The following SLC16A12 variants were observed in gnomAD, a reference collection of about 807,000 sequenced individuals.
The protein encoded by SLC16A12 is monocarboxylate transporter 12.
In SLC16A12, 17 loss-of-function variants were observed where a neutral mutation model predicts 42.4. The observed-to-expected ratio is 0.40, with a 90% CI of 0.27 to 0.60. The LOEUF is 0.60. Among genes scored for constraint, SLC16A12 ranks in the 20% least tolerant of loss-of-function variants. The probability of loss-of-function intolerance (pLI) is 0.42; values close to 1 mark genes in which losing one functional copy is unlikely to be tolerated. For synonymous variants in SLC16A12, 224 were observed against 229.4 expected (o/e 0.98, Z 0.21); for missense variants, 544 against 623.0 (o/e 0.87, Z 1.35).
chr10:89,531,529 C>T (rs1206209923), intron 2 of SLC16A12, among the ~76,000 whole-genome samples: 1 of 152,150 alleles, frequency 6.6e-6, no homozygotes, highest in Non-Finnish European at 1.5e-5. Context: ...TAGCTATTTC[C>T]CACAGCGGTC....
intron 2 of SLC16A12, among the ~76,000 whole-genome samples, chr10:89,516,904 C>T (rs1041632103): frequency 6.6e-6 from 1 of 152,140 alleles, no homozygotes; most frequent in Non-Finnish European, 1.5e-5. Context: ...GTTTAAAAGC[C>T]ATGTTTACTT....
At chr10:89,500,724 TGAGAACTG>T (rs1436709593) in intron 2 of SLC16A12, among the ~76,000 whole-genome samples, 1 of 152,202 alleles carries the variant, frequency 6.6e-6, no homozygotes, top group Admixed American at 6.5e-5. Flanking sequence ...GCATTCCTGC[TGAGAACTG>T]GAACAAGGAT....
chr10:89,506,188 G>A (rs1051601857), intron 2 of SLC16A12, among the ~76,000 whole-genome samples: 1 of 152,206 alleles, frequency 6.6e-6, no homozygotes, highest in African/African-American at 2.4e-5. Flanking sequence ...GCTCTGAAGA[G>A]AGCAGTAGTT....
chr10:89,462,858 T>A, intron 2 of SLC16A12: 1 of 384,444 alleles, frequency 2.6e-6, no homozygotes, highest in East Asian at 5.4e-5. Flanking sequence ...TGATACCATT[T>A]TTCCCTAGCC....
chr10:89,457,825 C>G (rs571627952), intron 3 of SLC16A12, among the ~76,000 whole-genome samples: 3 of 152,250 alleles, frequency 2.0e-5, no homozygotes, highest in Non-Finnish European at 4.4e-5. Flanking sequence ...AATATTCAGA[C>G]TGTAATGCTA....
rs1385139761 is a variant in SLC16A12, at chr10:89,438,678, A to T, written c.954T>A (p.Ala318=). 13 of 1,614,080 alleles carry T rather than the reference A, an allele frequency of 8.1e-6. No individual in the cohort carries two copies. Among genetic ancestry groups the T allele is most frequent in the Non-Finnish European group, 1.1e-5 (13 of 1,179,984 alleles). ...ALSVGVSHQQ[A]AFLMSILGVI... is the part of the protein sequence containing the mutation. Reference sequence around the variant, plus strand: ...CTCCAAGTATGGACATAAGAAAAGCAGCTTGCTGATGACTCACTCCAACAC... The same window carrying T: ...CTCCAAGTATGGACATAAGAAAAGCTGCTTGCTGATGACTCACTCCAACAC... Residue 318 remains alanine (A), a synonymous_variant, in exon 6 of 8, where the codon GCT becomes GCA. Coordinates refer to ENST00000371790, the MANE Select transcript of SLC16A12 (RefSeq NM_213606.4).
Position 89,512,328 on chromosome 10 carries a change from C to T in SLC16A12, c.-47+22173G>A, listed in dbSNP as rs139209417. 5.1e-4 allele frequency among the ~76,000 whole-genome samples: 77 copies of T among 152,318 alleles called. 1 individual carries two copies. The highest frequency in any genetic ancestry group is 1.8e-3 in the African/African-American group (74 of 41,570). On this transcript the variant is annotated intron_variant, in intron 2 of 7. Transcript: ENST00000371790. ...CCCATCATAAGGAATTTTAAGAAAA[C>T]TTCAAATCTTGTAGGTGATGTTTCT...
At chr10:89,550,881 T>C (rs896308330) in intron 2 of SLC16A12, among the ~76,000 whole-genome samples, 1 of 152,206 alleles carries the variant, frequency 6.6e-6, no homozygotes, top group Non-Finnish European at 1.5e-5. Flanking sequence ...GCTGTTTGCA[T>C]TGATTTTGTG....
At chr10:89,550,108 A>T (rs1233390664) in intron 2 of SLC16A12, among the ~76,000 whole-genome samples, 4 of 152,126 alleles carry the variant, frequency 2.6e-5, no homozygotes, top group Admixed American at 2.0e-4. Context: ...GCACTGTGAC[A>T]ACATCCTGAT....
intron 6 of SLC16A12, among the ~76,000 whole-genome samples, chr10:89,436,804 G>GAGGAAGGAAGGAAGGA (rs72103752): frequency 0.012 from 1,556 of 131,416 alleles, 20 homozygotes; most frequent in South Asian, 0.029. Context: ...GAAAGGAAAG[G>GAGGAAGGAAGGAAGGA]AGGAAGGAAG....
intron 2 of SLC16A12, among the ~76,000 whole-genome samples, chr10:89,466,547 C>A (rs2133757109): frequency 6.6e-6 from 1 of 152,348 alleles, no homozygotes; most frequent in South Asian, 2.1e-4. Context: ...GGCTTCAGGA[C>A]AATTTTATTA....
intron 2 of SLC16A12, among the ~76,000 whole-genome samples, chr10:89,472,254 A>T (rs954092049): frequency 2.6e-5 from 4 of 151,500 alleles, no homozygotes; most frequent in Admixed American, 6.6e-5. Flanking sequence ...GCCAAGAAAT[A>T]GATTCAACAC....
rs112444226 is a variant in SLC16A12, at chr10:89,468,714, C to T, written c.-46-6090G>A. 3.2e-3 allele frequency among the ~76,000 whole-genome samples: 480 copies of T among 152,296 alleles called. 3 individuals are homozygous for T. The highest frequency in any genetic ancestry group is 0.02 in the Middle Eastern group (6 of 294). ...AAATGTGCAGGTTAGACATGGCAAA[C>T]CTTGTTTCCTGGAGACTTTGAAGCA... On this transcript the variant is annotated intron_variant, in intron 2 of 7. Coordinates refer to ENST00000371790, the MANE Select transcript of SLC16A12 (RefSeq NM_213606.4).
intron 2 of SLC16A12, among the ~76,000 whole-genome samples, chr10:89,502,155 C>G (rs1260478071): frequency 6.6e-6 from 1 of 151,952 alleles, no homozygotes; most frequent in Middle Eastern, 3.2e-3. Flanking sequence ...GGAATTCAGG[C>G]AAAAGTGATG....
chr10:89,507,894 C>G (rs1362167898), intron 2 of SLC16A12, among the ~76,000 whole-genome samples: 3 of 151,980 alleles, frequency 2.0e-5, no homozygotes, highest in East Asian at 3.9e-4. Context: ...ATCTACCAAG[C>G]AAATGGAAAG....
chr10:89,479,009 A>G (rs1411526625), intron 2 of SLC16A12, among the ~76,000 whole-genome samples: 2 of 152,144 alleles, frequency 1.3e-5, no homozygotes, highest in Admixed American at 1.3e-4. Context: ...TGGCTTGTTC[A>G]GCCCTGACTC....
intron 2 of SLC16A12, among the ~76,000 whole-genome samples, chr10:89,517,902 A>G (rs942083628): frequency 6.6e-6 from 1 of 152,204 alleles, no homozygotes; most frequent in Admixed American, 6.5e-5. Flanking sequence ...AAACACTACT[A>G]TATTAAATAT....
chr10:89,453,765 C>G (rs964695637), intron 3 of SLC16A12, among the ~76,000 whole-genome samples: 4 of 152,068 alleles, frequency 2.6e-5, no homozygotes, highest in African/African-American at 9.7e-5. Flanking sequence ...TATCCTTACC[C>G]GAAGGCTTCT....
chr10:89,499,576 G>C (rs538654706), intron 2 of SLC16A12, among the ~76,000 whole-genome samples: 14 of 152,116 alleles, frequency 9.2e-5, no homozygotes, highest in African/African-American at 3.1e-4. Context: ...AATCAAGATA[G>C]AAATTAAAAA....
Sources: gnomAD v4.1 joint callset for allele counts (sites outside exome capture counted in the v4.1 genomes callset) on GRCh38, gnomAD v4.1.1 for gene constraint, MANE v1.5 for transcripts, NCBI Gene and HGNC (gene_info 2026-07-23, HGNC 2026-07-21) for gene names.